The following AK9 variants were observed in gnomAD, a reference collection of about 807,000 sequenced individuals.
AK9 encodes the protein adenylate kinase domain containing 1.
AK9 carries 191 observed loss-of-function variants against 239.6 expected under a neutral mutation model. The observed-to-expected ratio is 0.80, with a 90% CI of 0.71 to 0.90. AK9 has a LOEUF of 0.90. Among genes scored for constraint, AK9 ranks in the 40% least tolerant of loss-of-function variants. AK9 has a pLI of 0.00. For synonymous variants in AK9, 689 were observed against 721.0 expected (o/e 0.96, Z 0.71); for missense variants, 1,995 against 2,214.7 (o/e 0.90, Z 1.99).
At chr6:109,653,656 T>A (rs62435962) in intron 8 of AK9, among the ~76,000 whole-genome samples, 30,566 of 144,602 alleles carry the variant, frequency 0.21, 3,357 homozygotes, top group South Asian at 0.37. Flanking sequence ...ACTTGTAGAT[T>A]TCCTTTCTTG....
intron 1 of AK9, among the ~76,000 whole-genome samples, chr6:109,688,857 T>C (rs1458262419): frequency 1.3e-5 from 2 of 152,044 alleles, no homozygotes; most frequent in Non-Finnish European, 2.9e-5. Flanking sequence ...TTGGATGAGA[T>C]TGGGGGTGCT....
intron 5 of AK9, 70 bp from the exon 6 acceptor site, chr6:109,662,733 T>TTA (rs968273201): frequency 8.5e-5 from 57 of 673,392 alleles, no homozygotes; most frequent in Admixed American, 2.2e-4. Flanking sequence ...ATTTATTATA[T>TTA]TATATATATA....
intron 1 of AK9, among the ~76,000 whole-genome samples, chr6:109,687,026 G>T (rs1377633802): frequency 1.3e-5 from 2 of 152,194 alleles, no homozygotes; most frequent in Non-Finnish European, 2.9e-5. Flanking sequence ...TCCCTAAGAA[G>T]AGCTGACAGA....
intron 12 of AK9, among the ~76,000 whole-genome samples, chr6:109,623,515 T>C (rs1795118193): frequency 6.6e-6 from 1 of 152,114 alleles, no homozygotes; most frequent in Admixed American, 6.6e-5. Context: ...CCCAGCCTAG[T>C]GTCAGATGAG....
rs544185979 is a variant in AK9 at position 109,598,900 on chromosome 6, T to C, written c.1842+11465A>G. 2.6e-4 allele frequency among the ~76,000 whole-genome samples: 39 copies of C among 152,168 alleles called. No individual in the cohort carries two copies. The East Asian group carries it at 7.3e-3, about 29-fold the overall frequency. On this transcript the variant is annotated intron_variant, in intron 17 of 40. Transcript: ENST00000424296. ...TTGAGAAGTGTCTGTTCATATCCTT[T>C]GCCCACTTGTTGATGGGGTTGTTTG...
intron 9 of AK9, among the ~76,000 whole-genome samples, chr6:109,643,765 C>T (rs191870846): frequency 6.6e-6 from 1 of 152,216 alleles, no homozygotes; most frequent in East Asian, 1.9e-4. Flanking sequence ...CGTTCCAGTC[C>T]TATATTCAGT....
chr6:109,619,306 A>T, intron 12 of AK9, 70 bp from the exon 13 acceptor site: 1 of 1,362,834 alleles, frequency 7.3e-7, no homozygotes, highest in Admixed American at 3.3e-5. Flanking sequence ...TTGTTCATCT[A>T]TCTATGTATA....
chr6:109,620,199 G>A (rs1404658337), intron 12 of AK9, among the ~76,000 whole-genome samples: 1 of 152,112 alleles, frequency 6.6e-6, no homozygotes, highest in African/African-American at 2.4e-5. Flanking sequence ...GGGTCATATG[G>A]TAAGTGTGTA....
intron 17 of AK9, among the ~76,000 whole-genome samples, chr6:109,599,633 G>A (rs1358083428): frequency 1.3e-5 from 2 of 152,194 alleles, no homozygotes; most frequent in East Asian, 3.9e-4. Context: ...TAGCTTGATG[G>A]GGATGGCATT....
chr6:109,677,221 A>G (rs1771886254), intron 1 of AK9, among the ~76,000 whole-genome samples: 2 of 152,290 alleles, frequency 1.3e-5, no homozygotes, highest in South Asian at 4.1e-4. Context: ...GTAAACCTGC[A>G]CATGTACCCC....
chr6:109,567,526 T>C (rs1786735758), intron 21 of AK9, among the ~76,000 whole-genome samples: 2 of 152,102 alleles, frequency 1.3e-5, no homozygotes, highest in South Asian at 4.1e-4. Flanking sequence ...TACCATTCCT[T>C]ATGAAACTAT....
At chr6:109,576,978 C>A (rs1017259976) in intron 20 of AK9, among the ~76,000 whole-genome samples, 2 of 151,896 alleles carry the variant, frequency 1.3e-5, no homozygotes, top group South Asian at 4.2e-4. Flanking sequence ...CTACAGGCAC[C>A]CGCCACCACG....
intron 12 of AK9, among the ~76,000 whole-genome samples, chr6:109,626,668 T>C (rs990621618): frequency 6.6e-6 from 1 of 152,240 alleles, no homozygotes; most frequent in Non-Finnish European, 1.5e-5. Context: ...CTTGTTGCTG[T>C]ACTGAATTTT....
At chr6:109,690,839 A>T (rs984450724) in intron 1 of AK9, among the ~76,000 whole-genome samples, 6 of 152,144 alleles carry the variant, frequency 3.9e-5, no homozygotes, top group Admixed American at 1.3e-4. Flanking sequence ...CGTGTGGCAA[A>T]GCCACACTTT....
chr6:109,497,360 A>ACTCT (rs1199537013), intron 38 of AK9, 105 bp downstream of exon 38: 194 of 557,768 alleles, frequency 3.5e-4, no homozygotes, highest in African/African-American at 3.0e-3. Context: ...ACACACACAC[A>ACTCT]CACTCTCTCT....
intron 27 of AK9, among the ~76,000 whole-genome samples, chr6:109,537,667 T>A (rs1782219899): frequency 6.6e-6 from 1 of 151,908 alleles, no homozygotes; most frequent in Non-Finnish European, 1.5e-5. Context: ...TGTTTGCTCT[T>A]GCTTCTCTAG....
At chr6:109,659,014 G>A (rs558623525) in intron 7 of AK9, among the ~76,000 whole-genome samples, 4 of 152,216 alleles carry the variant, frequency 2.6e-5, no homozygotes, top group Admixed American at 6.5e-5. Flanking sequence ...GTAGAGACAC[G>A]TCTATGCTGA....
At chr6:109,598,353 T>C (rs9480982) in intron 17 of AK9, among the ~76,000 whole-genome samples, 1 of 151,812 alleles carries the variant, frequency 6.6e-6, no homozygotes, top group Admixed American at 6.6e-5. Flanking sequence ...AATAGTTTGC[T>C]AAGAATGATG....
At chr6:109,602,907 T>C (rs938858310) in intron 17 of AK9, among the ~76,000 whole-genome samples, 5 of 152,236 alleles carry the variant, frequency 3.3e-5, no homozygotes, top group African/African-American at 4.8e-5. Context: ...TCTCGTGCCA[T>C]GGTTTTCAGC....
Sources: allele counts gnomAD v4.1 joint callset (sites outside exome capture counted in the v4.1 genomes callset), GRCh38; gene constraint gnomAD v4.1.1; transcripts MANE v1.5; gene names NCBI Gene and HGNC (gene_info 2026-07-23, HGNC 2026-07-21).